The following OVGP1 variants were observed in gnomAD, a reference collection of about 807,000 sequenced individuals.
OVGP1 encodes the protein oviduct-specific glycoprotein.
A neutral mutation model predicts 48.2 loss-of-function variants in OVGP1; 26 were observed. That is an observed-to-expected ratio of 0.54 (90% CI 0.40 to 0.75). OVGP1 has a LOEUF of 0.75. Ranked by LOEUF, OVGP1 falls within the 30% of genes least tolerant of loss-of-function variation. OVGP1 has a pLI of 0.00. For synonymous variants in OVGP1, 294 were observed against 305.7 expected (o/e 0.96, Z 0.40); for missense variants, 791 against 820.6 (o/e 0.96, Z 0.44).
intron 9 of OVGP1, among the ~76,000 whole-genome samples, chr1:111,417,641 GCA>G (rs1010989004): frequency 2.7e-5 from 4 of 150,526 alleles, no homozygotes; most frequent in South Asian, 2.1e-4. Context: ...ACACACACAT[GCA>G]CACACACACA....
Position 111,415,266 on chromosome 1 carries a change from G to C in OVGP1, c.1235C>G (p.Ala412Gly). The C allele has an allele frequency of 6.2e-7, 1 of 1,614,178 alleles. No individual in the cohort carries two copies. The highest frequency in any genetic ancestry group is 8.5e-7 in the Non-Finnish European group (1 of 1,180,016). ...NSSSTDPERL[A>G]VTTAWTTDSK... is the part of the protein sequence containing the mutation. ...ATCAGTGGTCCATGCCGTGGTCACA[G>C]CCAGCCTTTCAGGGTCAGTGCTTGA... The change falls in exon 11 of 11, where the codon GCT becomes GGT. Residue 412 changes from alanine to glycine, a missense_variant. By Grantham distance (60) the Ala-to-Gly change is moderately conservative. Coordinates refer to ENST00000369732, the MANE Select transcript of OVGP1 (RefSeq NM_002557.4).
In OVGP1 at chr1:111,414,798, GCCTT is replaced by G; in HGVS notation, c.1699_1702del (p.Lys567LeufsTer7). Reference sequence around the variant, plus strand: ...GACAGTCACCTTTTCACGGGCCACAGCCTTCCTTCTAGGGGCCACTGTATTCTGT... The same window carrying G: ...GACAGTCACCTTTTCACGGGCCACAGCCTTCTAGGGGCCACTGTATTCTGT... On this transcript the variant is annotated frameshift_variant, in exon 11 of 11. Transcript: ENST00000369732. LOFTEE classifies it low-confidence loss of function (END_TRUNC). 3.1e-6 allele frequency: 5 copies of G among 1,601,064 alleles called. No homozygotes were observed. The highest frequency in any genetic ancestry group is 4.3e-6 in the Non-Finnish European group (5 of 1,171,032).
intron 2 of OVGP1, 90 bp from the exon 3 acceptor site, chr1:111,426,731 G>GAA: frequency 2.6e-6 from 4 of 1,554,600 alleles, no homozygotes; most frequent in Non-Finnish European, 3.5e-6. Context: ...CAGCCCAAGA[G>GAA]ACCAGGCCAC....
intron 2 of OVGP1, 126 bp from the exon 3 acceptor site, chr1:111,426,767 C>G (rs1403138553): frequency 1.3e-6 from 2 of 1,549,156 alleles, no homozygotes; most frequent in Non-Finnish European, 8.7e-7. Flanking sequence ...CTCCCTGGCC[C>G]TGAAGTACAC....
chr1:111,425,118 A>G (rs982563743), intron 4 of OVGP1, among the ~76,000 whole-genome samples: 2 of 152,184 alleles, frequency 1.3e-5, no homozygotes, highest in African/African-American at 4.8e-5. Flanking sequence ...AAGGTTGAGG[A>G]AACAATTATG....
intron 1 of OVGP1, 131 bp from the exon 2 acceptor site, chr1:111,427,222 G>T: frequency 6.5e-7 from 1 of 1,532,062 alleles, no homozygotes; most frequent in Non-Finnish European, 8.8e-7. Flanking sequence ...CACACAAATG[G>T]GGACACACAC....
intron 10 of OVGP1, among the ~76,000 whole-genome samples, chr1:111,416,041 G>A (rs1319699952): frequency 6.6e-6 from 1 of 152,128 alleles, no homozygotes; most frequent in East Asian, 1.9e-4. Flanking sequence ...TATATTGAGT[G>A]CTAACTATGA....
At chr1:111,416,728 G>A (rs1234558920) in intron 9 of OVGP1, 1 of 327,418 alleles carries the variant, frequency 3.1e-6, no homozygotes, top group Non-Finnish European at 5.5e-6. Context: ...ATTCTTACAT[G>A]CACATATTAC....
intron 6 of OVGP1, 145 bp downstream of exon 6, chr1:111,422,782 T>G: frequency 3.5e-6 from 3 of 853,746 alleles, no homozygotes; most frequent in Non-Finnish European, 5.6e-6. Flanking sequence ...CCACCCATGC[T>G]CCTCAGTCCA....
intron 9 of OVGP1, among the ~76,000 whole-genome samples, chr1:111,417,874 T>C (rs913061125): frequency 2.6e-5 from 4 of 152,182 alleles, no homozygotes; most frequent in African/African-American, 9.7e-5. Context: ...AGAGCTTATA[T>C]AGAATGGTTG....
At position 111,423,601 on chromosome 1, in the gene OVGP1, T is replaced by C. The variant is rs751535833; in HGVS notation, c.425A>G (p.Tyr142Cys). ...CATGGGGCTGCCTCTTAGTCCAGGA[T>C]ATAAGAAGAAAAGGTCAAGACCATC... The part of the protein sequence containing the change: ...DFDGLDLFFL[Y>C]PGLRGSPMHD... Residue 142 changes from tyrosine to cysteine, a missense_variant, in exon 5 of 11, where the codon TAT (tyrosine) becomes TGT (cysteine). By Grantham distance (194) the Tyr-to-Cys change is radical (BLOSUM62 -2). Transcript: ENST00000369732. 8.7e-6 allele frequency: 14 copies of C among 1,613,992 alleles called. No homozygotes were observed. The highest frequency in any genetic ancestry group is 1.2e-5 in the Non-Finnish European group (14 of 1,180,022).
At position 111,414,858 on chromosome 1, in the gene OVGP1, GTCATAGTCGT is replaced by G. The variant is rs1259998007; in HGVS notation, c.1633_1642del (p.Thr545ProfsTer27). 2 of 1,596,466 alleles carry G rather than the reference GTCATAGTCGT, an allele frequency of 1.3e-6. No homozygotes were observed. Among genetic ancestry groups the G allele is most frequent in the South Asian group, 2.2e-5 (2 of 89,670 alleles). On this transcript the variant is annotated frameshift_variant, in exon 11 of 11. Transcript: ENST00000369732. LOFTEE classifies it low-confidence loss of function (END_TRUNC). ...GGTCTCAGTCTGAAAATGGACAGGGGTCATAGTCGTTCCTCCAGGGCTCACAGACTGATGA... is the reference window on the plus strand; with the variant it reads ...GGTCTCAGTCTGAAAATGGACAGGGGTCCTCCAGGGCTCACAGACTGATGA...
intron 6 of OVGP1, 70 bp from the exon 7 acceptor site, chr1:111,421,743 C>G: frequency 1.1e-6 from 1 of 938,528 alleles, no homozygotes; most frequent in Non-Finnish European, 1.7e-6. Context: ...CATCACAGCA[C>G]TGTCTAGCTA....
intron 10 of OVGP1, 148 bp downstream of exon 10, chr1:111,416,175 G>T: frequency 3.8e-6 from 3 of 794,000 alleles, no homozygotes; most frequent in Middle Eastern, 4.1e-4. Context: ...TCCCAACAAA[G>T]ACTGGAAAAC....
At chr1:111,418,256 G>T (rs1313569920) in intron 9 of OVGP1, among the ~76,000 whole-genome samples, 1 of 152,066 alleles carries the variant, frequency 6.6e-6, no homozygotes, top group Non-Finnish European at 1.5e-5. Flanking sequence ...TCATCCCAGG[G>T]CCTCACCCAA....
Position 111,416,331 on chromosome 1 carries a change from A to T in OVGP1, c.1148T>A (p.Val383Glu). The change falls in exon 10 of 11, where the codon GTG (valine) becomes GAG (glutamate). Residue 383 changes from valine (V) to glutamate (E), a missense_variant. Coordinates refer to ENST00000369732, the MANE Select transcript of OVGP1 (RefSeq NM_002557.4). ...AGGTCACAGCTACTTACCAGCCCGCACCAGGATATCATTCAATACGTAGAC... is the reference window on the plus strand; with the variant it reads ...AGGTCACAGCTACTTACCAGCCCGCTCCAGGATATCATTCAATACGTAGAC... ...PLVYVLNDIL[V>E]RAEFSSTSLP... The T allele has an allele frequency of 2.5e-6, 4 of 1,587,738 alleles. No individual in the cohort carries two copies. Among genetic ancestry groups the T allele is most frequent in the Non-Finnish European group, 3.4e-6 (4 of 1,164,848 alleles).
intron 3 of OVGP1, 40 bp downstream of exon 3, chr1:111,426,396 GA>G (rs1241211177): frequency 6.2e-7 from 1 of 1,612,972 alleles, no homozygotes. Flanking sequence ...TTATACCTGT[GA>G]AATCTGAAAA....
chr1:111,416,335 G>A lies in OVGP1; in HGVS notation c.1144C>T (p.Leu382=). The change falls in exon 10 of 11, where the codon CTG becomes TTG. Residue 382 remains leucine (L), a synonymous_variant. Coordinates refer to ENST00000369732, the MANE Select transcript of OVGP1 (RefSeq NM_002557.4). ...CACAGCTACTTACCAGCCCGCACCAGGATATCATTCAATACGTAGACAAGG... is the reference window on the plus strand; with the variant it reads ...CACAGCTACTTACCAGCCCGCACCAAGATATCATTCAATACGTAGACAAGG... The part of the protein sequence containing the change: ...FPLVYVLNDI[L]VRAEFSSTSL... 1 of 1,590,516 alleles carries A rather than the reference G, an allele frequency of 6.3e-7. No homozygotes were observed. The highest frequency in any genetic ancestry group is 8.6e-7 in the Non-Finnish European group (1 of 1,166,736).
At position 111,414,488 on chromosome 1, in the gene OVGP1, GTT is replaced by G; in HGVS notation, c.2011_2012del (p.Asn671LeufsTer5). On this transcript the variant is annotated frameshift_variant, in exon 11 of 11. Transcript: ENST00000369732. LOFTEE classifies it high-confidence loss of function. ...CTTAGGCTTCTTCATCCACAGCAGA[GTT>G]TTCTGGGATTTCTTTTTTTAGAGAA... ...PLSLKKEIPE[N>X]SAVDEEA The G allele has an allele frequency of 6.2e-7, 1 of 1,613,114 alleles. No homozygotes were observed. Among genetic ancestry groups the G allele is most frequent in the Non-Finnish European group, 8.5e-7 (1 of 1,179,506 alleles).
Sources: allele counts gnomAD v4.1 joint callset (sites outside exome capture counted in the v4.1 genomes callset), GRCh38; gene constraint gnomAD v4.1.1; transcripts MANE v1.5; gene names NCBI Gene and HGNC (gene_info 2026-07-23, HGNC 2026-07-21).